RPS29: variants seen among roughly 807,000 people sequenced by gnomAD.
RPS29 encodes ribosomal protein S29.
For missense variants in RPS29, 60 were observed against 75.7 expected (o/e 0.79, Z 0.77); for synonymous variants, 37 against 26.9 (o/e 1.37, Z -1.16).
intron 1 of RPS29, among the ~76,000 whole-genome samples, chr14:49,591,998 A>G (rs1244638110): frequency 6.6e-6 from 1 of 152,164 alleles, no homozygotes; most frequent in Admixed American, 6.6e-5. Flanking sequence ...TCCTATGTTT[A>G]TAAGCCAGAC....
At chr14:49,584,790 T>C (rs952853086) in intron 2 of RPS29, among the ~76,000 whole-genome samples, 1 of 151,634 alleles carries the variant, frequency 6.6e-6, no homozygotes, top group African/African-American at 2.4e-5. Context: ...TACATCATTA[T>C]AGAACAGTAC....
At chr14:49,593,758 T>C (rs1270207439) in intron 1 of RPS29, among the ~76,000 whole-genome samples, 2 of 134,766 alleles carry the variant, frequency 1.5e-5, no homozygotes, top group African/African-American at 5.5e-5. Context: ...GAAAGGGGTA[T>C]ACTGGGGGCA....
chr14:49,581,785 T>C (rs1388099423), downstream of RPS29, among the ~76,000 whole-genome samples: 2 of 151,946 alleles, frequency 1.3e-5, no homozygotes, highest in Admixed American at 6.6e-5. Flanking sequence ...TCCCAACACT[T>C]TGAGAGACCA....
At chr14:49,596,800 C>G (rs1489579946) in intron 1 of RPS29, among the ~76,000 whole-genome samples, 1 of 136,590 alleles carries the variant, frequency 7.3e-6, no homozygotes, top group Non-Finnish European at 1.5e-5. Context: ...TTTTTTGAGA[C>G]AAGGTCTCGC....
chr14:49,583,176 G>A (rs1003822349), downstream of RPS29, among the ~76,000 whole-genome samples: 4 of 152,098 alleles, frequency 2.6e-5, no homozygotes, highest in African/African-American at 9.7e-5. Context: ...CCAGTTTACT[G>A]GCTGGTATGA....
At chr14:49,585,376 A>C (rs1272563435) in intron 2 of RPS29, 2 of 92,732 alleles carry the variant, frequency 2.2e-5, no homozygotes, top group African/African-American at 5.1e-5. Context: ...AAAAAAAAAA[A>C]AAAAAACTTG....
downstream of RPS29, among the ~76,000 whole-genome samples, chr14:49,581,079 C>A (rs1380411877): frequency 6.6e-6 from 1 of 150,584 alleles, no homozygotes; most frequent in Non-Finnish European, 1.5e-5. Flanking sequence ...CCCAGCTACT[C>A]AGGAGGCTGA....
chr14:49,577,823 G>A (rs2139503150), exon 3 of RPS29: 1 of 1,602,956 alleles, frequency 6.2e-7, no homozygotes, highest in Non-Finnish European at 8.5e-7. Flanking sequence ...CACCTCCATA[G>A]GCAGTGCCAA....
exon 3 of RPS29, chr14:49,573,530 T>C (rs1440313910): frequency 6.7e-6 from 1 of 149,688 alleles, no homozygotes; most frequent in Admixed American, 6.7e-5. Flanking sequence ...ACACCAACAA[T>C]TAAACCACAC....
intron 1 of RPS29, among the ~76,000 whole-genome samples, chr14:49,593,998 G>C (rs1048714598): frequency 3.3e-5 from 5 of 152,152 alleles, no homozygotes; most frequent in African/African-American, 1.2e-4. Flanking sequence ...CTGTCTATGA[G>C]GTCATGGTCA....
At position 49,586,360 on chromosome 14, in the gene RPS29, G is replaced by C. The variant is rs1479730494; in HGVS notation, c.-14C>G. The stretch of plus-strand genomic sequence containing the variant: ...CTGGTGACCCATCTTGCTCTCAGCA[G>C]TGCAACGAGGTAAAAGGAAGAAGCT... On this transcript the variant is annotated 5_prime_UTR_variant, in exon 1 of 3. Coordinates refer to ENST00000245458, the MANE Select transcript of RPS29 (RefSeq NM_001032.5). The C allele has an allele frequency of 1.2e-6, 2 of 1,613,116 alleles. No individual in the cohort carries two copies. The highest frequency in any genetic ancestry group is 1.3e-5 in the African/African-American group (1 of 75,040).
At chr14:49,584,221 A>G (rs1363446611) in intron 2 of RPS29, among the ~76,000 whole-genome samples, 1 of 152,232 alleles carries the variant, frequency 6.6e-6, no homozygotes, top group Admixed American at 6.5e-5. Flanking sequence ...AAATCTGCCC[A>G]TCTTGTCGGC....
chr14:49,595,778 T>C (rs1483377444), intron 1 of RPS29, among the ~76,000 whole-genome samples: 1 of 152,144 alleles, frequency 6.6e-6, no homozygotes, highest in African/African-American at 2.4e-5. Context: ...TTTGGGAGGC[T>C]GGGGCGGGTG....
upstream of RPS29, among the ~76,000 whole-genome samples, chr14:49,591,321 TCACA>T (rs1881705243): frequency 7.3e-6 from 1 of 136,906 alleles, no homozygotes; most frequent in African/African-American, 2.7e-5. Flanking sequence ...TTGTTTGTTT[TCACA>T]GAGTCTCACT....
chr14:49,575,556 T>G (rs1054932135), exon 3 of RPS29: 13 of 152,140 alleles, frequency 8.5e-5, no homozygotes, highest in African/African-American at 3.1e-4. Context: ...CTTCTCTAAA[T>G]TATTTTCTGG....
upstream of RPS29, among the ~76,000 whole-genome samples, chr14:49,590,241 G>T (rs976523852): frequency 1.3e-5 from 2 of 152,162 alleles, no homozygotes; most frequent in Admixed American, 1.3e-4. Context: ...ACTTTGGGAG[G>T]CTGAGGCAGG....
exon 3 of RPS29, chr14:49,576,059 T>C (rs2139501166): frequency 6.6e-6 from 1 of 152,162 alleles, no homozygotes; most frequent in Admixed American, 6.5e-5. Context: ...ATACTCAGTC[T>C]ATCTACAAAC....
rs993544031 is a variant in RPS29, at chr14:49,574,449, G to A, written c.*3363C>T. The stretch of plus-strand genomic sequence containing the variant: ...GTTACAAAGTCAGCTCCCGAATATG[G>A]ACCTGTCCTAAAATGTGTTCAGAGA... On this transcript the variant is annotated 3_prime_UTR_variant, in exon 3 of 3. Coordinates refer to the RPS29 transcript ENST00000396020. The A allele has an allele frequency of 7.9e-5, 12 of 152,100 alleles. No homozygotes were observed. The South Asian group carries it at 1.2e-3, about 16-fold the overall frequency. 9.4% of individuals were successfully genotyped at this position (152,100 alleles called of 1,614,324 possible).
chr14:49,598,555 G>GGCCACTCA, exon 1 of RPS29: 1 of 702,342 alleles, frequency 1.4e-6, no homozygotes. Flanking sequence ...TGGCTTACGG[G>GGCCACTCA]GCCACTCAGA....
Sources: gnomAD v4.1 joint callset for allele counts (sites outside exome capture counted in the v4.1 genomes callset) on GRCh38, gnomAD v4.1.1 for gene constraint, MANE v1.5 for transcripts, NCBI Gene and HGNC (gene_info 2026-07-23, HGNC 2026-07-21) for gene names.